Variants in ZNF705A observed in about 807,000 individuals in gnomAD.
ZNF705A encodes zinc finger protein 705A.
In ZNF705A, 8 loss-of-function variants were observed where a neutral mutation model predicts 16.6. The observed-to-expected ratio is 0.48, with a 90% CI of 0.28 to 0.87. ZNF705A has a LOEUF of 0.87. Ranked by LOEUF, ZNF705A falls within the 40% of genes least tolerant of loss-of-function variation. ZNF705A has a pLI of 0.10. For synonymous variants in ZNF705A, 73 were observed against 117.3 expected, an observed-to-expected ratio of 0.62 and a Z score of 2.44; for missense variants, 233 against 359.9, an observed-to-expected ratio of 0.65 and a Z score of 2.85.
chr12:8,165,594 T>G (rs187650986), intron 1 of ZNF705A, among the ~76,000 whole-genome samples: 417 of 152,058 alleles, frequency 2.7e-3, no homozygotes, highest in African/African-American at 9.6e-3. Context: ...CATTGTGTGA[T>G]GCTGAGGAGT....
intron 1 of ZNF705A, among the ~76,000 whole-genome samples, chr12:8,165,450 ATTTTT>A (rs57581482): frequency 1.2e-5 from 1 of 81,954 alleles, no homozygotes; most frequent in African/African-American, 4.6e-5. Flanking sequence ...GCCCAGCTAA[ATTTTT>A]TTTTTTTTTT....
intron 1 of ZNF705A, among the ~76,000 whole-genome samples, chr12:8,173,198 A>G (rs1013784139): frequency 2.0e-5 from 3 of 152,254 alleles, no homozygotes; most frequent in Non-Finnish European, 4.4e-5. Flanking sequence ...TTGATAAAAT[A>G]TATTTGAGCT....
intron 1 of ZNF705A, among the ~76,000 whole-genome samples, chr12:8,160,688 C>T (rs1399414954): frequency 5.3e-5 from 8 of 151,746 alleles, no homozygotes; most frequent in African/African-American, 1.7e-4. Context: ...TATCTAGAAG[C>T]TTTGCCAAAT....
At chr12:8,175,937 A>G in exon 4 of ZNF705A, 1 of 1,611,504 alleles carries the variant, frequency 6.2e-7, no homozygotes, top group Admixed American at 1.7e-5. Context: ...CACCAGTATG[A>G]CAATGGTAAG....
upstream of ZNF705A, among the ~76,000 whole-genome samples, chr12:8,170,190 C>A (rs1454823407): frequency 6.4e-3 from 806 of 125,926 alleles, 23 homozygotes; most frequent in Non-Finnish European, 5.5e-3. Context: ...ACTCTCCCCC[C>A]CCCCCCAAAA....
intron 1 of ZNF705A, among the ~76,000 whole-genome samples, chr12:8,161,037 C>G (rs761181635): frequency 6.6e-6 from 1 of 152,032 alleles, no homozygotes; most frequent in Non-Finnish European, 1.5e-5. Context: ...AATCATAAAT[C>G]GATGCTGGAT....
At chr12:8,174,190 C>T (rs900827397) in intron 1 of ZNF705A, 136 bp from the exon 3 acceptor site, 2 of 1,546,524 alleles carry the variant, frequency 1.3e-6, no homozygotes, top group African/African-American at 1.4e-5. Context: ...CAGCTTAGTA[C>T]TGAGAATGAA....
chr12:8,164,321 G>A (rs1948381217), intron 1 of ZNF705A, among the ~76,000 whole-genome samples: 1 of 152,188 alleles, frequency 6.6e-6, no homozygotes, highest in Admixed American at 6.5e-5. Flanking sequence ...TCAAATACAA[G>A]TGAAATCATA....
At chr12:8,174,732 T>G (rs1296675571) in intron 2 of ZNF705A, among the ~76,000 whole-genome samples, 2 of 152,252 alleles carry the variant, frequency 1.3e-5, no homozygotes, top group African/African-American at 4.8e-5. Context: ...ACCTGGGAAC[T>G]TAACGAATAT....
At chr12:8,162,191 G>A (rs1275284460) in intron 1 of ZNF705A, among the ~76,000 whole-genome samples, 1 of 152,128 alleles carries the variant, frequency 6.6e-6, no homozygotes, top group Non-Finnish European at 1.5e-5. Context: ...CCTTTTTGTA[G>A]ATGGTTGTTC....
chr12:8,178,539 T>A (rs765345553), exon 5 of ZNF705A: 1 of 152,320 alleles, frequency 6.6e-6, no homozygotes, highest in African/African-American at 2.4e-5. Context: ...ATCAGAAAAG[T>A]GAGTCAAGAA....
At chr12:8,166,164 C>T (rs1297595023) in intron 1 of ZNF705A, among the ~76,000 whole-genome samples, 2 of 152,224 alleles carry the variant, frequency 1.3e-5, no homozygotes, top group African/African-American at 4.8e-5. Flanking sequence ...CTCCACTAGG[C>T]AGTGCCCCAG....
chr12:8,170,922 G>A (rs1948440438), upstream of ZNF705A, among the ~76,000 whole-genome samples: 1 of 152,204 alleles, frequency 6.6e-6, no homozygotes, highest in African/African-American at 2.4e-5. Flanking sequence ...TGATGTTTGG[G>A]AATTGGGGTC....
At chr12:8,159,251 A>G (rs1409437198) in intron 1 of ZNF705A, among the ~76,000 whole-genome samples, 2 of 152,154 alleles carry the variant, frequency 1.3e-5, no homozygotes, top group African/African-American at 2.4e-5. Context: ...TGACTTTGCA[A>G]TTATGAATTG....
Position 8,177,246 on chromosome 12 carries a change from G to A in ZNF705A, c.566G>A (p.Arg189Gln), listed in dbSNP as rs772063267. 115 of 1,611,556 alleles carry A rather than the reference G, an allele frequency of 7.1e-5. No individual in the cohort carries two copies. In the East Asian group the frequency reaches 2.3e-3, roughly 32 times the overall value. ...TATACTAATTGCTTTCGCCTTAGAC[G>A]GCACAAGATGACTCACACTGGAGAG... The change falls in exon 5 of 5, where the codon CGG becomes CAG. Residue 189 changes from arginine to glutamine, a missense_variant. Around this residue, in one of 3 missense-constraint regions of ZNF705A, gnomAD observed 220 missense variants for 271.4 expected, o/e 0.81. Coordinates refer to ENST00000359286, the Ensembl canonical transcript of ZNF705A.
upstream of ZNF705A, among the ~76,000 whole-genome samples, chr12:8,167,959 G>A (rs1417781545): frequency 1.3e-5 from 2 of 152,194 alleles, no homozygotes; most frequent in Non-Finnish European, 2.9e-5. Flanking sequence ...ATCCTGCGAT[G>A]GGTTTGCCAC....
intron 1 of ZNF705A, among the ~76,000 whole-genome samples, chr12:8,158,666 T>C (rs576407102): frequency 2.6e-5 from 4 of 152,280 alleles, no homozygotes; most frequent in African/African-American, 9.6e-5. Context: ...AGAAATAAAA[T>C]TGATGCGTCA....
At chr12:8,160,564 ATTTTT>A (rs71042338) in intron 1 of ZNF705A, among the ~76,000 whole-genome samples, 1 of 135,912 alleles carries the variant, frequency 7.4e-6, no homozygotes. Flanking sequence ...ATTTCTAAGT[ATTTTT>A]TTTTTTTTTT....
At chr12:8,174,969 T>C (rs1454463781) in intron 2 of ZNF705A, among the ~76,000 whole-genome samples, 1 of 152,220 alleles carries the variant, frequency 6.6e-6, no homozygotes, top group Non-Finnish European at 1.5e-5. Flanking sequence ...CATTGTGTCT[T>C]GGAACTTAGG....
Sources: gnomAD v4.1 joint callset for allele counts (sites outside exome capture counted in the v4.1 genomes callset) on GRCh38, gnomAD v4.1.1 for gene constraint, gnomAD v4.1.1 regional missense constraint, MANE v1.5 for transcripts, NCBI Gene and HGNC (gene_info 2026-07-23, HGNC 2026-07-21) for gene names.